The following AKAP6 variants were observed in gnomAD, a reference collection of about 807,000 sequenced individuals.
The protein encoded by AKAP6 is A-kinase anchoring protein 6.
A neutral mutation model predicts 188.5 loss-of-function variants in AKAP6; 58 were observed. The ratio of observed to expected loss-of-function variants is 0.31; its 90% confidence interval spans 0.25 to 0.38. The LOEUF (loss-of-function observed/expected upper bound fraction) is 0.38. Among genes scored for constraint, AKAP6 ranks in the 10% least tolerant of loss-of-function variants. AKAP6 has a pLI of 1.00. For missense variants in AKAP6, 2,710 were observed against 2,740.0 expected (o/e 0.99, Z 0.24); for synonymous variants, 989 against 998.6 (o/e 0.99, Z 0.18).
At chr14:32,510,420 A>ATG (rs1881152055) in intron 2 of AKAP6, among the ~76,000 whole-genome samples, 2 of 95,052 alleles carry the variant, frequency 2.1e-5, no homozygotes, top group African/African-American at 9.4e-5. Context: ...ATATGTATAT[A>ATG]TATACATATA....
At chr14:32,785,219 C>G (rs2033365963) in intron 12 of AKAP6, among the ~76,000 whole-genome samples, 1 of 151,870 alleles carries the variant, frequency 6.6e-6, no homozygotes, top group Non-Finnish European at 1.5e-5. Flanking sequence ...TTGGATTCAT[C>G]AGAAGAAATA....
At chr14:32,745,493 C>G (rs564350736) in intron 11 of AKAP6, among the ~76,000 whole-genome samples, 123 of 104,952 alleles carry the variant, frequency 1.2e-3, no homozygotes, top group South Asian at 2.9e-3. Context: ...CTCTCTCTCT[C>G]TCTGTCTCTC....
chr14:32,667,187 T>C (rs1888980629), intron 7 of AKAP6, among the ~76,000 whole-genome samples: 1 of 151,982 alleles, frequency 6.6e-6, no homozygotes, highest in African/African-American at 2.4e-5. Context: ...TAAAATGGAG[T>C]GTTTAACTTT....
At chr14:32,530,699 AC>A (rs1021366620) in intron 2 of AKAP6, among the ~76,000 whole-genome samples, 9 of 152,196 alleles carry the variant, frequency 5.9e-5, no homozygotes, top group African/African-American at 1.7e-4. Flanking sequence ...CAGAGCAATC[AC>A]AAGAAGGGTG....
chr14:32,392,357 G>A (rs904189610), intron 1 of AKAP6, among the ~76,000 whole-genome samples: 1 of 152,114 alleles, frequency 6.6e-6, no homozygotes, highest in African/African-American at 2.4e-5. Context: ...AAGGAAGGCT[G>A]GAATGACCTC....
chr14:32,469,694 G>T (rs1410097699), intron 2 of AKAP6, among the ~76,000 whole-genome samples: 1 of 139,186 alleles, frequency 7.2e-6, no homozygotes. Flanking sequence ...TTTGAGATCT[G>T]ATATTTTTAA....
chr14:32,800,830 CAT>C (rs1437362095), intron 12 of AKAP6, among the ~76,000 whole-genome samples: 1 of 151,944 alleles, frequency 6.6e-6, no homozygotes, highest in Admixed American at 6.6e-5. Flanking sequence ...ACCTGGGCAA[CAT>C]AGCAAAAACC....
intron 11 of AKAP6, among the ~76,000 whole-genome samples, chr14:32,759,991 A>G (rs987470927): frequency 2.6e-5 from 4 of 152,230 alleles, no homozygotes; most frequent in African/African-American, 9.6e-5. Flanking sequence ...CAAAGCAACA[A>G]TGGAAGTTAC....
intron 9 of AKAP6, among the ~76,000 whole-genome samples, chr14:32,730,880 A>C (rs2031142162): frequency 6.6e-6 from 1 of 152,180 alleles, no homozygotes; most frequent in African/African-American, 2.4e-5. Flanking sequence ...CTGAATATTG[A>C]ATCCAGAAAA....
Position 32,776,413 on chromosome 14 carries a change from C to A in AKAP6, c.3588+2520C>A, listed in dbSNP as rs192230467. 8.7e-4 allele frequency among the ~76,000 whole-genome samples: 132 copies of A among 152,258 alleles called. 1 individual carries two copies. The East Asian group carries it at 0.024, about 27-fold the overall frequency. On this transcript the variant is annotated intron_variant, in intron 12 of 13. Coordinates refer to ENST00000280979, the MANE Select transcript of AKAP6 (RefSeq NM_004274.5). Reference sequence around the variant, plus strand: ...CTTGTCTGCTGCCATGTAAGATGTGCCTTTTGCCTTCCACCATGATTGTGA... The same window carrying A: ...CTTGTCTGCTGCCATGTAAGATGTGACTTTTGCCTTCCACCATGATTGTGA...
At chr14:32,411,065 A>G (rs35534415) in intron 1 of AKAP6, among the ~76,000 whole-genome samples, 93,774 of 152,026 alleles carry the variant, frequency 0.62, 32,015 homozygotes, top group Non-Finnish European at 0.76. Context: ...ATTTTCAACC[A>G]GGAGTGATTT....
intron 5 of AKAP6, among the ~76,000 whole-genome samples, chr14:32,586,063 T>C (rs1179870725): frequency 6.6e-6 from 1 of 152,190 alleles, no homozygotes; most frequent in Non-Finnish European, 1.5e-5. Context: ...TCAGCCTTCA[T>C]AGATTAACTG....
chr14:32,371,444 A>G (rs1888003146), intron 1 of AKAP6, among the ~76,000 whole-genome samples: 1 of 152,158 alleles, frequency 6.6e-6, no homozygotes, highest in Admixed American at 6.6e-5. Flanking sequence ...AAACAAAACC[A>G]AAAACCAAAA....
intron 1 of AKAP6, among the ~76,000 whole-genome samples, chr14:32,343,746 CAAAAAAAA>C (rs56376110): frequency 8.1e-5 from 3 of 37,266 alleles, no homozygotes; most frequent in African/African-American, 1.9e-4. Context: ...GATTCCGTCT[CAAAAAAAA>C]AAAAAAAAAA....
intron 2 of AKAP6, among the ~76,000 whole-genome samples, chr14:32,453,628 G>C: frequency 9.0e-6 from 1 of 110,840 alleles, no homozygotes; most frequent in African/African-American, 3.2e-5. Flanking sequence ...ACGGAGTCTC[G>C]TTCTGTCGCC....
intron 7 of AKAP6, among the ~76,000 whole-genome samples, chr14:32,616,301 G>A (rs1031907805): frequency 3.3e-5 from 5 of 152,192 alleles, no homozygotes; most frequent in African/African-American, 1.2e-4. Context: ...ACACATGCAT[G>A]TGTATGTTCA....
chr14:32,363,269 GA>G, intron 1 of AKAP6, among the ~76,000 whole-genome samples: 1 of 152,324 alleles, frequency 6.6e-6, no homozygotes, highest in Non-Finnish European at 1.5e-5. Flanking sequence ...AAGTCTACCA[GA>G]GGGAGTAGAG....
At chr14:32,793,752 A>G (rs551079685) in intron 12 of AKAP6, among the ~76,000 whole-genome samples, 4 of 151,904 alleles carry the variant, frequency 2.6e-5, no homozygotes, top group Non-Finnish European at 1.5e-5. Context: ...ATTAAAAAAG[A>G]CAAAGAAGGG....
intron 4 of AKAP6, among the ~76,000 whole-genome samples, chr14:32,575,566 G>T (rs1884678822): frequency 6.6e-6 from 1 of 151,742 alleles, no homozygotes; most frequent in African/African-American, 2.4e-5. Flanking sequence ...CTCAGTTTGT[G>T]ATTATGATGT....
Sources: allele counts gnomAD v4.1 joint callset (sites outside exome capture counted in the v4.1 genomes callset), GRCh38; gene constraint gnomAD v4.1.1; transcripts MANE v1.5; gene names NCBI Gene and HGNC (gene_info 2026-07-23, HGNC 2026-07-21).